Variants in SLC35F3 observed in about 807,000 individuals in gnomAD.
SLC35F3 encodes the protein solute carrier family 35 member F3.
SLC35F3 carries 25 observed loss-of-function variants against 49.9 expected under a neutral mutation model. The ratio of observed to expected loss-of-function variants is 0.50; its 90% CI spans 0.37 to 0.70. The LOEUF is 0.70. Ranked by LOEUF, SLC35F3 falls within the 30% of genes least tolerant of loss-of-function variation. The probability of loss-of-function intolerance (pLI) is 0.00; values close to 1 mark genes in which losing one functional copy is unlikely to be tolerated. For synonymous variants in SLC35F3, 275 were observed against 265.4 expected, an observed-to-expected ratio of 1.04 and a Z score of -0.35; for missense variants, 525 against 639.8, an observed-to-expected ratio of 0.82 and a Z score of 1.94.
At chr1:234,103,033 A>G (rs1411762744) in intron 2 of SLC35F3, among the ~76,000 whole-genome samples, 5 of 152,220 alleles carry the variant, frequency 3.3e-5, no homozygotes, top group Non-Finnish European at 5.9e-5. Context: ...GTGCTTTGGG[A>G]AAAAAACCAT....
chr1:234,298,858 G>A (rs1389637643), intron 3 of SLC35F3, among the ~76,000 whole-genome samples: 1 of 152,190 alleles, frequency 6.6e-6, no homozygotes, highest in East Asian at 1.9e-4. Context: ...AAAAATTGTT[G>A]TGGGACATCA....
At chr1:234,220,095 A>C (rs1163222692) in intron 2 of SLC35F3, among the ~76,000 whole-genome samples, 33 of 152,222 alleles carry the variant, frequency 2.2e-4, no homozygotes, top group Non-Finnish European at 1.0e-4. Context: ...AGGGGGAGCC[A>C]GAGAAGAGAA....
chr1:234,094,489 A>G (rs1230944025), intron 2 of SLC35F3, among the ~76,000 whole-genome samples: 1 of 152,338 alleles, frequency 6.6e-6, no homozygotes, highest in East Asian at 1.9e-4. Flanking sequence ...CTTGGGTGCT[A>G]CAGGCAATTC....
At chr1:234,309,046 A>ATGGT in intron 3 of SLC35F3, 55 bp from the exon 4 acceptor site, 1 of 1,468,804 alleles carries the variant, frequency 6.8e-7, no homozygotes. Context: ...TAGGAAATAA[A>ATGGT]TGGTCTGTCT....
intron 2 of SLC35F3, among the ~76,000 whole-genome samples, chr1:234,166,635 G>A (rs981339140): frequency 6.6e-6 from 1 of 152,152 alleles, no homozygotes; most frequent in African/African-American, 2.4e-5. Context: ...TGGCCCAAGG[G>A]CTGCATCCCC....
intron 2 of SLC35F3, among the ~76,000 whole-genome samples, chr1:234,168,094 C>T (rs1666345257): frequency 6.6e-6 from 1 of 152,200 alleles, no homozygotes; most frequent in Admixed American, 6.5e-5. Flanking sequence ...GCCTGAGGTC[C>T]CTGCCCTGGA....
At chr1:234,003,679 G>A (rs1663586246) in intron 2 of SLC35F3, among the ~76,000 whole-genome samples, 1 of 152,138 alleles carries the variant, frequency 6.6e-6, no homozygotes, top group South Asian at 2.1e-4. Context: ...TAAACCTTAT[G>A]GATTACAAAG....
chr1:233,978,594 A>T (rs919549078), intron 2 of SLC35F3, among the ~76,000 whole-genome samples: 11 of 152,214 alleles, frequency 7.2e-5, no homozygotes, highest in Admixed American at 7.2e-4. Flanking sequence ...CCCTGTGGGG[A>T]AGAAAGTGTA....
chr1:234,289,183 C>T (rs1457530988), intron 3 of SLC35F3, among the ~76,000 whole-genome samples: 1 of 152,152 alleles, frequency 6.6e-6, no homozygotes, highest in Non-Finnish European at 1.5e-5. Flanking sequence ...CTGGGGCATA[C>T]AAAAAGCCTT....
At chr1:234,292,650 G>A (rs1668527786) in intron 3 of SLC35F3, among the ~76,000 whole-genome samples, 2 of 152,192 alleles carry the variant, frequency 1.3e-5, no homozygotes, top group South Asian at 4.1e-4. Context: ...AATGGGAAAG[G>A]GCCCTGGGGC....
chr1:234,275,932 A>G (rs1315787336), intron 3 of SLC35F3, among the ~76,000 whole-genome samples: 1 of 152,058 alleles, frequency 6.6e-6, no homozygotes, highest in East Asian at 1.9e-4. Flanking sequence ...CTTCATTTCC[A>G]TATAAGACTG....
chr1:234,137,271 GCAGT>G (rs1290243828), intron 2 of SLC35F3, among the ~76,000 whole-genome samples: 2 of 152,200 alleles, frequency 1.3e-5, no homozygotes, highest in Non-Finnish European at 2.9e-5. Flanking sequence ...TTGAGAAAGA[GCAGT>G]CAGAGAGGTG....
chr1:234,159,157 C>T (rs77862833), intron 2 of SLC35F3, among the ~76,000 whole-genome samples: 2,165 of 152,218 alleles, frequency 0.014, 16 homozygotes, highest in Non-Finnish European at 0.023. Context: ...AGATGTGCAA[C>T]ATGTTTAAGA....
intron 4 of SLC35F3, among the ~76,000 whole-genome samples, chr1:234,311,580 C>T (rs1176694194): frequency 6.6e-6 from 1 of 152,216 alleles, no homozygotes; most frequent in Non-Finnish European, 1.5e-5. Flanking sequence ...GCCATGGTTC[C>T]TGGAAAACAT....
chr1:234,314,608 A>T (rs1657440598), intron 4 of SLC35F3, among the ~76,000 whole-genome samples: 1 of 152,146 alleles, frequency 6.6e-6, no homozygotes, highest in Non-Finnish European at 1.5e-5. Flanking sequence ...TAAAAATATA[A>T]AATTTAGCCA....
chr1:234,057,659 A>G (rs574787515), intron 2 of SLC35F3, among the ~76,000 whole-genome samples: 2 of 152,250 alleles, frequency 1.3e-5, no homozygotes, highest in South Asian at 4.1e-4. Flanking sequence ...TGCTTTGGCT[A>G]GAACCTCCAG....
chr1:234,297,939 C>T (rs1307065526), intron 3 of SLC35F3, among the ~76,000 whole-genome samples: 4 of 152,060 alleles, frequency 2.6e-5, no homozygotes, highest in African/African-American at 9.7e-5. Context: ...TACTTAAATA[C>T]GTGCTAACAG....
intron 2 of SLC35F3, among the ~76,000 whole-genome samples, chr1:233,950,385 C>CAAAAAAA (rs58271294): frequency 3.2e-5 from 1 of 31,380 alleles, no homozygotes; most frequent in African/African-American, 1.1e-4. Flanking sequence ...GACTCTGTCT[C>CAAAAAAA]AAAAAAAAAA....
chr1:234,263,524 G>A (rs964898837), intron 3 of SLC35F3, among the ~76,000 whole-genome samples: 1 of 152,112 alleles, frequency 6.6e-6, no homozygotes. Flanking sequence ...AGGCTGGGAG[G>A]TTCTCAAAAT....
Sources: gnomAD v4.1 joint callset for allele counts (sites outside exome capture counted in the v4.1 genomes callset) on GRCh38, gnomAD v4.1.1 for gene constraint, MANE v1.5 for transcripts, NCBI Gene and HGNC (gene_info 2026-07-23, HGNC 2026-07-21) for gene names.